Variants in NFIB observed in about 807,000 individuals in gnomAD.
The protein encoded by NFIB is nuclear factor I B, also known as nuclear factor 1 B-type.
Under a neutral mutation model 61.5 loss-of-function variants are expected in NFIB, and 11 were observed. The ratio of observed to expected loss-of-function variants is 0.18; its 90% CI spans 0.11 to 0.30. NFIB has a LOEUF of 0.30. Among genes scored for constraint, NFIB ranks in the 10% least tolerant of loss-of-function variants. The probability of loss-of-function intolerance (pLI) is 1.00; values close to 1 mark genes in which losing one functional copy is unlikely to be tolerated. For missense variants in NFIB, 471 were observed against 608.9 expected (o/e 0.77, Z 2.38); for synonymous variants, 260 against 216.5 (o/e 1.20, Z -1.76).
At chr9:14,171,084 T>C (rs955271938) in intron 3 of NFIB, among the ~76,000 whole-genome samples, 2 of 152,192 alleles carry the variant, frequency 1.3e-5, no homozygotes, top group African/African-American at 4.8e-5. Context: ...GAGTACTGTG[T>C]TGAAATTAAC....
At chr9:14,401,296 C>T (rs1377436020), upstream of NFIB, among the ~76,000 whole-genome samples, 1 of 152,226 alleles carries the variant, frequency 6.6e-6, no homozygotes, top group African/African-American at 2.4e-5. Context: ...GTCAATCTCT[C>T]TTCTACCTGC....
intron 1 of NFIB, among the ~76,000 whole-genome samples, chr9:14,393,163 T>A (rs10810135): frequency 0.098 from 11,825 of 120,618 alleles, 502 homozygotes; most frequent in East Asian, 0.36. Context: ...TTCCTTCTAA[T>A]AACTTTCTTC....
intron 2 of NFIB, among the ~76,000 whole-genome samples, chr9:14,263,993 C>A (rs2132262214): frequency 6.6e-6 from 1 of 152,252 alleles, no homozygotes; most frequent in Middle Eastern, 3.4e-3. Context: ...ACTGACAGGG[C>A]AGAACAATTG....
At chr9:14,274,092 A>G (rs2057820411) in intron 2 of NFIB, among the ~76,000 whole-genome samples, 1 of 152,180 alleles carries the variant, frequency 6.6e-6, no homozygotes, top group African/African-American at 2.4e-5. Flanking sequence ...ATGCTTCTCT[A>G]TATCTCATCT....
At chr9:14,482,341 G>T in the NFIB span, among the ~76,000 whole-genome samples, 2 of 151,960 alleles carry the variant, frequency 1.3e-5, no homozygotes, top group Admixed American at 1.3e-4. Flanking sequence ...CCATTCTAAT[G>T]GCCCTGGGGC....
intron 2 of NFIB, among the ~76,000 whole-genome samples, chr9:14,271,559 C>G (rs1563963085): frequency 6.6e-6 from 1 of 152,024 alleles, no homozygotes; most frequent in African/African-American, 2.4e-5. Context: ...GGAAAAAAAT[C>G]AGACCAAGAG....
chr9:14,477,879 G>A, the NFIB span, among the ~76,000 whole-genome samples: 1 of 152,122 alleles, frequency 6.6e-6, no homozygotes, highest in Non-Finnish European at 1.5e-5. Context: ...GCAAAAAATA[G>A]TTCTTCTACT....
At chr9:14,238,600 G>T (rs1471711238) in intron 2 of NFIB, among the ~76,000 whole-genome samples, 1 of 152,094 alleles carries the variant, frequency 6.6e-6, no homozygotes, top group African/African-American at 2.4e-5. Context: ...GAGACCAAAA[G>T]CATTTCCTTC....
intron 2 of NFIB, among the ~76,000 whole-genome samples, chr9:14,266,343 C>T (rs79619957): frequency 0.012 from 1,822 of 152,266 alleles, 49 homozygotes; most frequent in African/African-American, 0.041. Context: ...GTAATCCCAG[C>T]ACTTTCAGAG....
chr9:14,325,169 T>C lies in NFIB; in HGVS notation c.109-17649A>G, dbSNP rs181326633. Among the ~76,000 whole-genome samples the C allele has an allele frequency of 4.3e-3, 659 of 152,168 alleles. 7 individuals carry two copies. Among genetic ancestry groups the C allele is most frequent in the African/African-American group, 0.015 (612 of 41,588 alleles). ...CCAGTATCTTTTTATATTAATCTTT[T>C]GTTATAAATTATAAATAATTATTCA... On this transcript the variant is annotated intron_variant, in intron 1 of 8. Coordinates refer to the NFIB transcript ENST00000380934.
At chr9:14,294,488 CAT>C (rs994455811) in intron 2 of NFIB, among the ~76,000 whole-genome samples, 1 of 152,224 alleles carries the variant, frequency 6.6e-6, no homozygotes, top group Non-Finnish European at 1.5e-5. Flanking sequence ...TCCCAGTTTA[CAT>C]ATGTTTAAAA....
At chr9:14,358,272 CATAA>C (rs974349231) in intron 1 of NFIB, among the ~76,000 whole-genome samples, 3 of 149,768 alleles carry the variant, frequency 2.0e-5, no homozygotes, top group Admixed American at 1.3e-4. Context: ...TATATAAATA[CATAA>C]ATAAAACTGC....
At chr9:14,419,990 A>C in the NFIB span, among the ~76,000 whole-genome samples, 1 of 152,150 alleles carries the variant, frequency 6.6e-6, no homozygotes, top group Non-Finnish European at 1.5e-5. Context: ...AGGCTACTTC[A>C]TTTATTAATA....
At chr9:14,433,456 T>C in the NFIB span, among the ~76,000 whole-genome samples, 2 of 152,182 alleles carry the variant, frequency 1.3e-5, no homozygotes, top group Non-Finnish European at 2.9e-5. Flanking sequence ...AGAAACAAAA[T>C]GTTTCCTGCA....
chr9:14,472,500 T>C, the NFIB span, among the ~76,000 whole-genome samples: 3 of 152,238 alleles, frequency 2.0e-5, no homozygotes, highest in African/African-American at 7.2e-5. Flanking sequence ...GTGTAGCTTG[T>C]ATTCTGTAAA....
chr9:14,083,245 A>T lies in NFIB; in HGVS notation c.*5064T>A. On this transcript the variant is annotated 3_prime_UTR_variant, in exon 11 of 11. Coordinates refer to ENST00000380953, the MANE Select transcript of NFIB (RefSeq NM_001190737.2). ...ACACAGTACAAAGAGTTGTCATGGC[A>T]ATGAGTTTGGCTGATGCAAAGGTCA... The T allele has an allele frequency of 4.4e-6, 1 of 225,512 alleles. No individual in the cohort carries two copies. The allele number at this position is 225,512 out of a possible 1,614,324, so 14.0% of individuals were successfully genotyped here. A position where few individuals can be genotyped will look rare whatever the true frequency, so the allele number is the denominator to read the frequency against.
At chr9:14,402,192 GAAGCTGGATGA>G (rs1464192395), upstream of NFIB, among the ~76,000 whole-genome samples, 8 of 152,138 alleles carry the variant, frequency 5.3e-5, no homozygotes, top group Non-Finnish European at 1.2e-4. Flanking sequence ...CGGCTTAGAT[GAAGCTGGATGA>G]AATTGATCCA....
chr9:14,287,756 T>C (rs996659265), intron 2 of NFIB, among the ~76,000 whole-genome samples: 2 of 152,000 alleles, frequency 1.3e-5, no homozygotes, highest in African/African-American at 4.8e-5. Context: ...TGCAATTACC[T>C]ATGAGGAAAC....
At chr9:14,240,082 C>G (rs1047205876) in intron 2 of NFIB, among the ~76,000 whole-genome samples, 3 of 152,076 alleles carry the variant, frequency 2.0e-5, no homozygotes, top group Non-Finnish European at 4.4e-5. Context: ...GCCAATTTCT[C>G]AAATAATACA....
Sources: gnomAD v4.1 joint callset for allele counts (sites outside exome capture counted in the v4.1 genomes callset) on GRCh38, gnomAD v4.1.1 for gene constraint, MANE v1.5 for transcripts, NCBI Gene and HGNC (gene_info 2026-07-23, HGNC 2026-07-21) for gene names.